FBLN1: variants seen among roughly 807,000 people sequenced by gnomAD.
FBLN1 encodes the protein fibulin-1.
A neutral mutation model predicts 89.7 loss-of-function variants in FBLN1; 34 were observed. The observed-to-expected ratio is 0.38, with a 90% confidence interval of 0.29 to 0.50. The LOEUF is 0.50. Among genes scored for constraint, FBLN1 ranks in the 20% least tolerant of loss-of-function variants. FBLN1 has a pLI of 0.92. For synonymous variants in FBLN1, 393 were observed against 391.3 expected, an observed-to-expected ratio of 1.00 and a Z score of -0.05; for missense variants, 777 against 988.1, an observed-to-expected ratio of 0.79 and a Z score of 2.86.
At chr22:45,553,015 G>C (rs1392492760) in intron 14 of FBLN1, among the ~76,000 whole-genome samples, 1 of 152,236 alleles carries the variant, frequency 6.6e-6, no homozygotes, top group Non-Finnish European at 1.5e-5. Context: ...CGAGTGAACA[G>C]CTGTGGGCCT....
At chr22:45,518,479 T>A (rs2088200695) in intron 1 of FBLN1, 1 of 628,158 alleles carries the variant, frequency 1.6e-6, no homozygotes, top group Non-Finnish European at 2.9e-6. Context: ...AGGTCTTTCT[T>A]CTAGGAAGGA....
At chr22:45,517,836 A>C (rs368082969) in intron 1 of FBLN1, 4 of 351,438 alleles carry the variant, frequency 1.1e-5, no homozygotes, top group African/African-American at 8.7e-5. Context: ...TGGTCTAGAA[A>C]TGGTGGTTTT....
intron 14 of FBLN1, among the ~76,000 whole-genome samples, chr22:45,568,694 T>C (rs1255404271): frequency 1.7e-5 from 1 of 60,240 alleles, no homozygotes; most frequent in Admixed American, 1.6e-4. Flanking sequence ...AGGGGAATGC[T>C]CCTTCTGTAG....
intron 3 of FBLN1, among the ~76,000 whole-genome samples, chr22:45,526,466 G>T (rs1462625733): frequency 6.6e-6 from 1 of 152,236 alleles, no homozygotes; most frequent in Non-Finnish European, 1.5e-5. Flanking sequence ...GAGGAACTTG[G>T]GCCTGGAGGA....
At chr22:45,512,949 T>C (rs2088121175) in intron 1 of FBLN1, among the ~76,000 whole-genome samples, 1 of 152,190 alleles carries the variant, frequency 6.6e-6, no homozygotes, top group South Asian at 2.1e-4. Context: ...TCTTTTGTTG[T>C]TGTTAAGTCA....
At chr22:45,540,632 G>A (rs1280591723) in intron 8 of FBLN1, among the ~76,000 whole-genome samples, 1 of 152,226 alleles carries the variant, frequency 6.6e-6, no homozygotes, top group East Asian at 1.9e-4. Flanking sequence ...TTGAGCAGAA[G>A]GAGGGTATCC....
At chr22:45,591,949 A>G (rs1601544722) in intron 16 of FBLN1, among the ~76,000 whole-genome samples, 1 of 142,222 alleles carries the variant, frequency 7.0e-6, no homozygotes, top group African/African-American at 2.6e-5. Context: ...CATTTTGCAG[A>G]CAGGAGGGAG....
chr22:45,594,752 AGATG>A (rs147404502), intron 16 of FBLN1, among the ~76,000 whole-genome samples: 2,345 of 123,874 alleles, frequency 0.019, 55 homozygotes, highest in African/African-American at 0.075. Flanking sequence ...GTGAGTGGAT[AGATG>A]GATGGATGGA....
chr22:45,542,105 A>G (rs752974189), intron 9 of FBLN1, 50 bp from the exon 10 acceptor site: 8 of 1,613,568 alleles, frequency 5.0e-6, no homozygotes, highest in South Asian at 2.2e-5. Context: ...CTTGGGGGGA[A>G]AAAACCCAAA....
chr22:45,526,786 T>C (rs946116937), intron 3 of FBLN1, among the ~76,000 whole-genome samples: 2 of 151,818 alleles, frequency 1.3e-5, no homozygotes, highest in African/African-American at 4.8e-5. Flanking sequence ...ATGGTGGGGG[T>C]GCCTGGGAAC....
In FBLN1 at chr22:45,581,001, A is replaced by G. The variant is rs2089037671; in HGVS notation, c.1972+3893A>G. On this transcript the variant is annotated intron_variant, in intron 16 of 16. Coordinates refer to ENST00000327858, the MANE Select transcript of FBLN1 (RefSeq NM_006486.3). This position sits in a 1 kb window ranked among gnomAD's most constrained non-coding sequence, Gnocchi z 7.6. ...TTTTCGCCCTGTGCAAAAATGCTCC[A>G]TTAATGCCCGAGGGATTCTCAGGCC... Among the ~76,000 whole-genome samples the G allele has an allele frequency of 6.6e-6, 1 of 152,260 alleles. No homozygotes were observed. The highest frequency in any genetic ancestry group is 1.5e-5 in the Non-Finnish European group (1 of 68,048).
intron 1 of FBLN1, chr22:45,517,642 C>G (rs760106021): frequency 2.1e-6 from 1 of 471,138 alleles, no homozygotes; most frequent in Non-Finnish European, 4.4e-6. Context: ...CTTTGCCAGT[C>G]CTGTCCTCAC....
rs12167206 is a variant in FBLN1 at position 45,514,163 on chromosome 22, G to C, written c.80-4519G>C. Among the ~76,000 whole-genome samples the C allele has an allele frequency of 2.0e-5, 3 of 150,648 alleles. No individual in the cohort carries two copies. In the East Asian group the frequency reaches 5.8e-4, roughly 29 times the overall value. On this transcript the variant is annotated intron_variant, in intron 1 of 16. Coordinates refer to ENST00000327858, the MANE Select transcript of FBLN1 (RefSeq NM_006486.3). Reference sequence around the variant, plus strand: ...TGTGTCTTGGAAAGGATATGTCTGAGGGGTGGGAGTGGAGTTGGTTTTGTG... The same window carrying C: ...TGTGTCTTGGAAAGGATATGTCTGACGGGTGGGAGTGGAGTTGGTTTTGTG...
rs1012914899 is a variant in FBLN1 at position 45,532,544 on chromosome 22, C to T, written c.545-519C>T. On this transcript the variant is annotated intron_variant, in intron 5 of 16. Transcript: ENST00000327858. This position sits in a 1 kb window ranked among gnomAD's most constrained non-coding sequence, Gnocchi z 4.2. ...GCACTCTGAGCATCACTCTGGCCAC[C>T]CTGTAGGAAGAACAGGTTGTGGGGT... Among the ~76,000 whole-genome samples, 6 of 152,052 alleles carry T rather than the reference C, an allele frequency of 3.9e-5. No individual in the cohort carries two copies. The highest frequency in any genetic ancestry group is 1.5e-4 in the African/African-American group (6 of 41,374).
At chr22:45,591,215 A>G (rs2089133330) in intron 16 of FBLN1, among the ~76,000 whole-genome samples, 1 of 152,092 alleles carries the variant, frequency 6.6e-6, no homozygotes, top group Admixed American at 6.5e-5. Context: ...TCAGCAACTC[A>G]CGTAACCACA....
intron 1 of FBLN1, among the ~76,000 whole-genome samples, chr22:45,508,114 A>G (rs6007067): frequency 2.8e-4 from 43 of 151,948 alleles, no homozygotes; most frequent in African/African-American, 1.0e-3. Flanking sequence ...TAGCCCTGCA[A>G]AGGAGGTGCT....
intron 2 of FBLN1, among the ~76,000 whole-genome samples, chr22:45,521,956 C>T (rs533197425): frequency 6.6e-6 from 1 of 152,024 alleles, no homozygotes; most frequent in East Asian, 1.9e-4. Flanking sequence ...GATCACTGAC[C>T]ACCTGGTTTG....
At chr22:45,539,035 C>T (rs1355731597) in intron 8 of FBLN1, among the ~76,000 whole-genome samples, 1 of 150,808 alleles carries the variant, frequency 6.6e-6, no homozygotes, top group East Asian at 2.0e-4. Context: ...TCTTCAAATT[C>T]CCTCCTCCTG....
chr22:45,534,052 T>A (rs1400133785), intron 7 of FBLN1, among the ~76,000 whole-genome samples, 154 bp downstream of exon 7: 1 of 152,192 alleles, frequency 6.6e-6, no homozygotes, highest in African/African-American at 2.4e-5. Flanking sequence ...GAGGTGGTTA[T>A]ACCCACCAGG....
Sources: allele counts gnomAD v4.1 joint callset (sites outside exome capture counted in the v4.1 genomes callset), GRCh38; gene constraint gnomAD v4.1.1; non-coding constraint Gnocchi (gnomAD v3.1); transcripts MANE v1.5; gene names NCBI Gene and HGNC (gene_info 2026-07-23, HGNC 2026-07-21).